Variants in SLC24A3 observed in about 807,000 individuals in gnomAD.
SLC24A3 encodes solute carrier family 24 member 3.
SLC24A3 carries 28 observed loss-of-function variants against 75.8 expected under a neutral mutation model. The observed-to-expected ratio is 0.37, with a 90% CI of 0.27 to 0.51. The LOEUF (loss-of-function observed/expected upper bound fraction) is 0.51. Among genes scored for constraint, SLC24A3 ranks in the 20% least tolerant of loss-of-function variants. The probability of loss-of-function intolerance (pLI) is 0.94; values close to 1 mark genes in which losing one functional copy is unlikely to be tolerated. For synonymous variants in SLC24A3, 372 were observed against 334.1 expected (o/e 1.11, Z -1.24); for missense variants, 663 against 847.8 (o/e 0.78, Z 2.71).
At position 19,696,780 on chromosome 20, in the gene SLC24A3, C is replaced by T. The variant is rs757269598; in HGVS notation, c.1492-17C>T. ...TGAGGTGACCCTCAGCTGACCACCT[C>T]TTCCTGCTCCTTCTAGGTCACAATC... On this transcript the variant is annotated splice_polypyrimidine_tract_variant and intron_variant, in intron 13 of 16. Transcript: ENST00000328041. 1 of 1,598,074 alleles carries T rather than the reference C, an allele frequency of 6.3e-7. No homozygotes were observed. The highest frequency in any genetic ancestry group is 8.6e-7 in the Non-Finnish European group (1 of 1,165,588).
intron 2 of SLC24A3, among the ~76,000 whole-genome samples, chr20:19,403,620 A>T (rs1021404994): frequency 7.2e-5 from 11 of 152,224 alleles, no homozygotes; most frequent in African/African-American, 2.7e-4. Flanking sequence ...GGGGCCTCAG[A>T]CATAGCAGAA....
intron 6 of SLC24A3, among the ~76,000 whole-genome samples, chr20:19,589,796 G>C (rs774002844): frequency 2.6e-5 from 4 of 152,046 alleles, no homozygotes; most frequent in African/African-American, 4.8e-5. Flanking sequence ...TGAGTTTTAA[G>C]ATAGTTATCA....
intron 2 of SLC24A3, among the ~76,000 whole-genome samples, chr20:19,396,596 C>A (rs1986457859): frequency 6.6e-6 from 1 of 152,150 alleles, no homozygotes; most frequent in Non-Finnish European, 1.5e-5. Flanking sequence ...GTGGTTTAAA[C>A]CCAATAAATA....
chr20:19,658,585 C>G (rs999692160), intron 7 of SLC24A3, among the ~76,000 whole-genome samples: 1 of 152,196 alleles, frequency 6.6e-6, no homozygotes, highest in Admixed American at 6.5e-5. Flanking sequence ...GTGTGTGCTT[C>G]TCGGGGCCCT....
chr20:19,348,912 C>T (rs1389711986), intron 2 of SLC24A3, among the ~76,000 whole-genome samples: 1 of 152,134 alleles, frequency 6.6e-6, no homozygotes, highest in Non-Finnish European at 1.5e-5. Flanking sequence ...ATTTCTCCCT[C>T]AGGTAAACAC....
At chr20:19,286,697 G>C (rs1011404409) in intron 2 of SLC24A3, among the ~76,000 whole-genome samples, 1 of 152,186 alleles carries the variant, frequency 6.6e-6, no homozygotes, top group Non-Finnish European at 1.5e-5. Context: ...CTGTCCAGTA[G>C]GAACAAGATG....
intron 2 of SLC24A3, among the ~76,000 whole-genome samples, chr20:19,336,022 A>G (rs1381898323): frequency 6.6e-6 from 1 of 152,230 alleles, no homozygotes; most frequent in East Asian, 1.9e-4. Flanking sequence ...CAAGATGAAT[A>G]TGTTCAGTAA....
At chr20:19,546,561 GCA>G (rs1437255707) in intron 3 of SLC24A3, among the ~76,000 whole-genome samples, 1 of 152,204 alleles carries the variant, frequency 6.6e-6, no homozygotes, top group Non-Finnish European at 1.5e-5. Context: ...CAAGGCAGCT[GCA>G]TAGAATGTTG....
At chr20:19,552,056 A>G (rs1170008880) in intron 3 of SLC24A3, among the ~76,000 whole-genome samples, 1 of 152,204 alleles carries the variant, frequency 6.6e-6, no homozygotes, top group East Asian at 1.9e-4. Flanking sequence ...CCCACCTAAA[A>G]GAGTTTAGTT....
intron 2 of SLC24A3, among the ~76,000 whole-genome samples, chr20:19,391,732 C>G (rs1296858255): frequency 1.3e-5 from 2 of 152,142 alleles, no homozygotes; most frequent in South Asian, 4.1e-4. Context: ...GTCTTTGGGA[C>G]GGGCCTTGGC....
At chr20:19,635,945 C>A (rs1331592308) in intron 6 of SLC24A3, among the ~76,000 whole-genome samples, 1 of 152,074 alleles carries the variant, frequency 6.6e-6, no homozygotes, top group Non-Finnish European at 1.5e-5. Flanking sequence ...TCGAGACCAT[C>A]CTGGCTAACA....
At chr20:19,432,966 G>C (rs182880289) in intron 2 of SLC24A3, among the ~76,000 whole-genome samples, 264 of 152,254 alleles carry the variant, frequency 1.7e-3, no homozygotes, top group African/African-American at 6.1e-3. Context: ...GCCAAGGTCT[G>C]ATTGCAAAAG....
At chr20:19,260,732 C>G (rs994974198) in intron 1 of SLC24A3, among the ~76,000 whole-genome samples, 7 of 152,172 alleles carry the variant, frequency 4.6e-5, no homozygotes, top group Non-Finnish European at 7.3e-5. Flanking sequence ...TGCTGTCCTC[C>G]TCTGCCACCC....
intron 15 of SLC24A3, among the ~76,000 whole-genome samples, chr20:19,707,631 C>T (rs866591598): frequency 6.6e-6 from 1 of 152,090 alleles, no homozygotes; most frequent in African/African-American, 2.4e-5. Flanking sequence ...AAAAGAGATT[C>T]TTTTTAAGGA....
At chr20:19,698,297 G>A (rs893322413) in intron 14 of SLC24A3, among the ~76,000 whole-genome samples, 2 of 152,238 alleles carry the variant, frequency 1.3e-5, no homozygotes, top group African/African-American at 2.4e-5. Flanking sequence ...TGGGGACACA[G>A]ACACAAAGCC....
In SLC24A3 at chr20:19,563,128, C is replaced by T. The variant is rs189525328; in HGVS notation, c.349-16872C>T. Among the ~76,000 whole-genome samples the T allele has an allele frequency of 3.7e-4, 56 of 152,270 alleles. 1 individual carries two copies. The highest frequency in any genetic ancestry group is 6.8e-3 in the Middle Eastern group (2 of 294). ...TTATACAACTGAAGACAAATTAATC[C>T]GCACAACTGAAGACAAAAAGCCATC... On this transcript the variant is annotated intron_variant, in intron 3 of 16. Transcript: ENST00000328041.
intron 2 of SLC24A3, among the ~76,000 whole-genome samples, chr20:19,329,970 G>A (rs146169410): frequency 0.011 from 1,739 of 152,246 alleles, 17 homozygotes; most frequent in South Asian, 0.017. Flanking sequence ...GACACCCCTC[G>A]AGCTGGTTGG....
intron 7 of SLC24A3, among the ~76,000 whole-genome samples, chr20:19,663,265 T>A (rs2032350835): frequency 6.6e-6 from 1 of 151,452 alleles, no homozygotes; most frequent in Non-Finnish European, 1.5e-5. Context: ...TGATTTCTAG[T>A]CCCTTTTGTT....
At chr20:19,658,249 G>C (rs1315453744) in intron 7 of SLC24A3, among the ~76,000 whole-genome samples, 1 of 151,696 alleles carries the variant, frequency 6.6e-6, no homozygotes, top group Admixed American at 6.6e-5. Flanking sequence ...GGCTGCTGAG[G>C]GGCCGAGGGT....
Sources: allele counts gnomAD v4.1 joint callset (sites outside exome capture counted in the v4.1 genomes callset), GRCh38; gene constraint gnomAD v4.1.1; transcripts MANE v1.5; gene names NCBI Gene and HGNC (gene_info 2026-07-23, HGNC 2026-07-21).